The following PAM variants were observed in gnomAD, a reference collection of about 807,000 sequenced individuals.
PAM encodes peptidyl-glycine alpha-amidating monooxygenase.
In PAM, 72 loss-of-function variants were observed where a neutral mutation model predicts 122.1. The observed-to-expected ratio is 0.59, with a 90% confidence interval of 0.49 to 0.72. PAM has a LOEUF of 0.72. Ranked by LOEUF, PAM falls within the 30% of genes least tolerant of loss-of-function variation. The probability of loss-of-function intolerance (pLI) is 0.00; values close to 1 mark genes in which losing one functional copy is unlikely to be tolerated. For synonymous variants in PAM, 389 were observed against 404.4 expected, an observed-to-expected ratio of 0.96 and a Z score of 0.46; for missense variants, 1,106 against 1,183.7, an observed-to-expected ratio of 0.93 and a Z score of 0.96.
Position 102,846,989 on chromosome 5 carries a change from G to T in PAM, c.-373-18834G>T, listed in dbSNP as rs576208281. Among the ~76,000 whole-genome samples the T allele has an allele frequency of 2.0e-5, 3 of 152,284 alleles. No homozygotes were observed. The East Asian group carries it at 5.8e-4, about 29-fold the overall frequency. On this transcript the variant is annotated intron_variant, in intron 1 of 25. Coordinates refer to ENST00000438793, the MANE Select transcript of PAM (RefSeq NM_001177306.2). ...GGACAATTAGCTATGGCTGAAGAGGGTCATCATATCTTACATGGGTCATAC... is the reference window on the plus strand; with the variant it reads ...GGACAATTAGCTATGGCTGAAGAGGTTCATCATATCTTACATGGGTCATAC...
At chr5:102,789,862 G>C (rs557384936) in intron 1 of PAM, among the ~76,000 whole-genome samples, 9 of 152,136 alleles carry the variant, frequency 5.9e-5, no homozygotes, top group African/African-American at 1.7e-4. Context: ...GTAATAAAAT[G>C]CTTCCAGTCC....
intron 1 of PAM, among the ~76,000 whole-genome samples, chr5:102,848,176 T>C (rs1780418032): frequency 6.6e-6 from 1 of 152,140 alleles, no homozygotes; most frequent in South Asian, 2.1e-4. Context: ...CTTTTTTTTT[T>C]CTCTAAGCAG....
At chr5:102,850,775 G>T (rs547934669) in intron 1 of PAM, among the ~76,000 whole-genome samples, 1 of 152,270 alleles carries the variant, frequency 6.6e-6, no homozygotes, top group Non-Finnish European at 1.5e-5. Context: ...GTGGGGAACG[G>T]AGCCATGTCT....
At chr5:102,968,390 C>T (rs1222380264) in intron 14 of PAM, among the ~76,000 whole-genome samples, 1 of 152,168 alleles carries the variant, frequency 6.6e-6, no homozygotes, top group African/African-American at 2.4e-5. Context: ...CAGGTTAGTA[C>T]TGTACCTTTT....
chr5:102,877,614 C>T (rs1789643963), intron 3 of PAM, among the ~76,000 whole-genome samples: 1 of 152,126 alleles, frequency 6.6e-6, no homozygotes, highest in Non-Finnish European at 1.5e-5. Context: ...TATTCAGAAC[C>T]TCAACTTTTA....
chr5:103,020,115 G>C (rs1783157668), intron 23 of PAM, among the ~76,000 whole-genome samples: 1 of 151,966 alleles, frequency 6.6e-6, no homozygotes, highest in South Asian at 2.1e-4. Context: ...GTGAGCCAGA[G>C]ATATTCCGAG....
At chr5:102,996,440 C>G (rs962276276) in intron 16 of PAM, among the ~76,000 whole-genome samples, 5 of 152,168 alleles carry the variant, frequency 3.3e-5, no homozygotes, top group Non-Finnish European at 7.4e-5. Flanking sequence ...GCTCTATAAT[C>G]TGACAGCCAT....
At chr5:102,805,702 C>CT (rs1310778463) in intron 1 of PAM, among the ~76,000 whole-genome samples, 1 of 152,122 alleles carries the variant, frequency 6.6e-6, no homozygotes. Context: ...TTTATGATCT[C>CT]TAATAAGGTG....
chr5:102,895,809 G>C (rs1190745672), intron 3 of PAM: 1 of 151,694 alleles, frequency 6.6e-6, no homozygotes, highest in East Asian at 2.0e-4. Context: ...TCCACAAACA[G>C]ATTTGATACA....
chr5:102,963,883 TTA>T (rs1231812823), intron 14 of PAM, among the ~76,000 whole-genome samples: 5 of 149,550 alleles, frequency 3.3e-5, no homozygotes, highest in Admixed American at 6.7e-5. Flanking sequence ...ATATATAGTA[TTA>T]TATATATATA....
intron 14 of PAM, among the ~76,000 whole-genome samples, chr5:102,969,079 T>G (rs1273874722): frequency 2.0e-5 from 3 of 147,812 alleles, no homozygotes; most frequent in Non-Finnish European, 3.0e-5. Context: ...CACACACCAG[T>G]GCCTGTCGGG....
At chr5:102,945,356 A>T (rs891914820) in intron 7 of PAM, among the ~76,000 whole-genome samples, 3 of 150,316 alleles carry the variant, frequency 2.0e-5, no homozygotes, top group African/African-American at 7.2e-5. Context: ...CAAACCTTCT[A>T]TTTGACAAAT....
rs142849211 is a variant in PAM at position 102,860,116 on chromosome 5, G to A, written c.-373-5707G>A. Among the ~76,000 whole-genome samples the A allele has an allele frequency of 3.0e-3, 463 of 152,164 alleles. 5 individuals carry two copies. Among genetic ancestry groups the A allele is most frequent in the African/African-American group, 0.011 (436 of 41,506 alleles). ...ATTGATGTCTTTTTTCTTCCTGACC[G>A]GTTCAGTCCTAAAGCAACTATCTAG... On this transcript the variant is annotated intron_variant, in intron 1 of 25. Transcript: ENST00000438793.
At chr5:102,837,344 C>T (rs1456063956) in intron 1 of PAM, among the ~76,000 whole-genome samples, 3 of 152,256 alleles carry the variant, frequency 2.0e-5, no homozygotes, top group East Asian at 3.9e-4. Flanking sequence ...CCACAGCCCA[C>T]CTGCCCTCAA....
intron 15 of PAM, among the ~76,000 whole-genome samples, chr5:102,985,744 G>A (rs1205251607): frequency 2.0e-5 from 3 of 152,078 alleles, no homozygotes; most frequent in African/African-American, 7.2e-5. Context: ...TTTATTCTAT[G>A]AAACCAGCAT....
At chr5:102,882,747 GT>G (rs1191050337) in intron 3 of PAM, among the ~76,000 whole-genome samples, 4 of 151,956 alleles carry the variant, frequency 2.6e-5, no homozygotes, top group Non-Finnish European at 5.9e-5. Context: ...ATTTATCTTT[GT>G]TTTTGTTGCA....
At chr5:102,943,493 A>G (rs1755970548) in intron 7 of PAM, among the ~76,000 whole-genome samples, 1 of 152,172 alleles carries the variant, frequency 6.6e-6, no homozygotes, top group Non-Finnish European at 1.5e-5. Context: ...TAATTCCTCT[A>G]TCTTAGCTTC....
intron 3 of PAM, among the ~76,000 whole-genome samples, chr5:102,890,841 CAT>C (rs1794587600): frequency 1.3e-5 from 2 of 151,812 alleles, no homozygotes; most frequent in Non-Finnish European, 1.5e-5. Flanking sequence ...CAGGTAAAAA[CAT>C]ATCTGGAAAA....
chr5:102,844,006 T>C (rs570470659), intron 1 of PAM, among the ~76,000 whole-genome samples: 2 of 152,328 alleles, frequency 1.3e-5, no homozygotes, highest in African/African-American at 4.8e-5. Flanking sequence ...AAAACCTGTA[T>C]ATACATGTTC....
Sources: allele counts gnomAD v4.1 joint callset (sites outside exome capture counted in the v4.1 genomes callset), GRCh38; gene constraint gnomAD v4.1.1; transcripts MANE v1.5; gene names NCBI Gene and HGNC (gene_info 2026-07-23, HGNC 2026-07-21).